IMMP2L: variants seen among roughly 807,000 people sequenced by gnomAD.
IMMP2L encodes inner mitochondrial membrane peptidase subunit 2, also known as mitochondrial inner membrane protease subunit 2.
IMMP2L carries 18 observed loss-of-function variants against 19.3 expected under a neutral mutation model. That is an observed-to-expected ratio of 0.93 (90% CI 0.64 to 1.38). IMMP2L has a LOEUF of 1.38. Ranked by LOEUF, IMMP2L falls within the 40% of genes most tolerant of loss-of-function variation. The pLI is 0.00. For missense variants in IMMP2L, 233 were observed against 218.2 expected (o/e 1.07, Z -0.43); for synonymous variants, 76 against 73.0 (o/e 1.04, Z -0.21).
At chr7:111,134,724 C>T (rs867764890) in intron 3 of IMMP2L, among the ~76,000 whole-genome samples, 27 of 151,978 alleles carry the variant, frequency 1.8e-4, no homozygotes, top group Middle Eastern at 3.4e-3. Flanking sequence ...CGGAGATTTT[C>T]GCCTGAAACC....
chr7:111,096,990 A>G (rs963601280), intron 3 of IMMP2L: 3 of 151,916 alleles, frequency 2.0e-5, no homozygotes, highest in Non-Finnish European at 4.4e-5. Context: ...CCTTTAAAAA[A>G]TCTTCTAAAG....
chr7:111,042,753 T>C (rs997946958), intron 3 of IMMP2L, among the ~76,000 whole-genome samples: 1 of 152,230 alleles, frequency 6.6e-6, no homozygotes, highest in African/African-American at 2.4e-5. Flanking sequence ...TTCAGGATTT[T>C]AAAGAAGCTT....
chr7:110,846,533 T>G (rs1344880335), intron 5 of IMMP2L, among the ~76,000 whole-genome samples: 1 of 151,806 alleles, frequency 6.6e-6, no homozygotes, highest in African/African-American at 2.4e-5. Context: ...GCCTGGCTAA[T>G]TTTTGTATTT....
intron 3 of IMMP2L, among the ~76,000 whole-genome samples, chr7:111,121,760 T>A (rs372297994): frequency 2.0e-5 from 3 of 152,150 alleles, no homozygotes; most frequent in Non-Finnish European, 4.4e-5. Flanking sequence ...AACATGCTGA[T>A]ATAAAGACAC....
At chr7:111,041,413 T>C (rs1791884661) in intron 3 of IMMP2L, among the ~76,000 whole-genome samples, 1 of 152,054 alleles carries the variant, frequency 6.6e-6, no homozygotes, top group Admixed American at 6.6e-5. Flanking sequence ...TTCTTTATTA[T>C]AAATATCCAA....
chr7:111,035,754 A>T (rs1249352566), intron 3 of IMMP2L, among the ~76,000 whole-genome samples: 4 of 152,154 alleles, frequency 2.6e-5, no homozygotes, highest in Non-Finnish European at 4.4e-5. Context: ...ATTTATTTTT[A>T]AAAAATTATC....
At chr7:110,830,274 A>G (rs62464027) in intron 5 of IMMP2L, among the ~76,000 whole-genome samples, 20,466 of 152,102 alleles carry the variant, frequency 0.13, 1,686 homozygotes, top group Non-Finnish European at 0.19. Flanking sequence ...AGCAATAGTG[A>G]GGCTCCTTCA....
chr7:110,779,667 G>A (rs943844803), intron 5 of IMMP2L, among the ~76,000 whole-genome samples: 73 of 151,922 alleles, frequency 4.8e-4, no homozygotes, highest in Middle Eastern at 3.4e-3. Context: ...GGTAAGCAAG[G>A]AAAAACTATT....
intron 3 of IMMP2L, among the ~76,000 whole-genome samples, chr7:111,043,290 A>T (rs148330718): frequency 0.018 from 2,736 of 152,330 alleles, 36 homozygotes; most frequent in Non-Finnish European, 0.026. Context: ...TTGATTTTTA[A>T]AAGTGTTAAT....
chr7:111,209,119 C>T (rs1354251840), intron 3 of IMMP2L, among the ~76,000 whole-genome samples: 2 of 152,084 alleles, frequency 1.3e-5, no homozygotes, highest in Admixed American at 6.5e-5. Flanking sequence ...CAGCCGAGCA[C>T]GGTGGCTCAC....
At chr7:111,041,877 C>G (rs1791932062) in intron 3 of IMMP2L, among the ~76,000 whole-genome samples, 1 of 152,106 alleles carries the variant, frequency 6.6e-6, no homozygotes, top group South Asian at 2.1e-4. Flanking sequence ...AGATAGAATG[C>G]CTCAGTTTGA....
chr7:111,105,946 TC>T (rs1391271539), intron 3 of IMMP2L, among the ~76,000 whole-genome samples: 14 of 151,858 alleles, frequency 9.2e-5, no homozygotes, highest in Non-Finnish European at 1.9e-4. Context: ...ATACACAACA[TC>T]TCAATTCCTA....
intron 1 of IMMP2L, among the ~76,000 whole-genome samples, chr7:111,560,499 AG>A (rs1791913635): frequency 6.6e-6 from 1 of 152,244 alleles, no homozygotes; most frequent in Non-Finnish European, 1.5e-5. Context: ...TATTCATTAT[AG>A]GAAACAAATC....
Position 111,449,795 on chromosome 7 carries a change from G to C in IMMP2L, c.239+37443C>G, listed in dbSNP as rs1179977131. On this transcript the variant is annotated intron_variant, in intron 3 of 5. Transcript: ENST00000405709. ...GTCCCTGTTTGCAGACGACATGATT[G>C]TTTATCTAGAAAACCCCATCGTCTC... 3.5e-4 allele frequency among the ~76,000 whole-genome samples: 36 copies of C among 101,864 alleles called. No individual in the cohort carries two copies. The East Asian group carries it at 8.7e-3, about 25-fold the overall frequency. The allele number at this position is 101,864 out of a possible 152,430, so 66.8% of individuals were successfully genotyped here. A position where few individuals can be genotyped will look rare whatever the true frequency, so the allele number is the denominator to read the frequency against.
chr7:110,796,529 G>A (rs1367958166), intron 5 of IMMP2L, among the ~76,000 whole-genome samples: 2 of 151,830 alleles, frequency 1.3e-5, no homozygotes, highest in Non-Finnish European at 2.9e-5. Flanking sequence ...AATATTATTG[G>A]ACCAAGTTCT....
intron 3 of IMMP2L, among the ~76,000 whole-genome samples, chr7:111,270,325 A>C (rs1818321923): frequency 6.6e-6 from 1 of 152,158 alleles, no homozygotes; most frequent in Non-Finnish European, 1.5e-5. Flanking sequence ...TAGTGCCTTA[A>C]AGAAACCTTT....
Position 110,778,566 on chromosome 7 carries a change from T to G in IMMP2L, c.408+108027A>C, listed in dbSNP as rs150805882. Among the ~76,000 whole-genome samples, 110 of 152,112 alleles carry G rather than the reference T, an allele frequency of 7.2e-4. 2 individuals carry two copies. In the East Asian group the frequency reaches 0.02, roughly 28 times the overall value. ...AAACTAAAATAGAGCAAACTTATTT[T>G]TATTCCTCCATATTTCAGAAAGCTC... On this transcript the variant is annotated intron_variant, in intron 5 of 5. Coordinates refer to ENST00000405709, the MANE Select transcript of IMMP2L (RefSeq NM_032549.4).
chr7:111,378,335 T>C (rs1830880514), intron 3 of IMMP2L, among the ~76,000 whole-genome samples: 1 of 152,018 alleles, frequency 6.6e-6, no homozygotes, highest in African/African-American at 2.4e-5. Context: ...TAGCTTAGCA[T>C]ACTTATAATC....
intron 5 of IMMP2L, among the ~76,000 whole-genome samples, chr7:110,739,092 C>T (rs1209764559): frequency 1.3e-5 from 2 of 152,158 alleles, no homozygotes; most frequent in Non-Finnish European, 2.9e-5. Flanking sequence ...CCTTGAAATA[C>T]ACCAAAATTG....
Sources: allele counts gnomAD v4.1 joint callset (sites outside exome capture counted in the v4.1 genomes callset), GRCh38; gene constraint gnomAD v4.1.1; transcripts MANE v1.5; gene names NCBI Gene and HGNC (gene_info 2026-07-23, HGNC 2026-07-21).